The following GPC6 variants were observed in gnomAD, a reference collection of about 807,000 sequenced individuals.
The protein encoded by GPC6 is glypican-6.
Under a neutral mutation model 55.2 loss-of-function variants are expected in GPC6, and 14 were observed. That is an observed-to-expected ratio of 0.25 (90% confidence interval 0.17 to 0.40). The LOEUF is 0.40. GPC6 is among the 10% of genes least tolerant of loss of function. The pLI is 1.00. For missense variants in GPC6, 641 were observed against 708.5 expected (o/e 0.90, Z 1.08); for synonymous variants, 278 against 259.6 (o/e 1.07, Z -0.68).
At chr13:93,361,733 A>G (rs766080876) in intron 1 of GPC6, among the ~76,000 whole-genome samples, 1 of 152,210 alleles carries the variant, frequency 6.6e-6, no homozygotes, top group Non-Finnish European at 1.5e-5. Flanking sequence ...TGCAAATGCT[A>G]ACAGACAGAG....
intron 2 of GPC6, among the ~76,000 whole-genome samples, chr13:93,685,621 G>T (rs1255642880): frequency 6.6e-6 from 1 of 151,982 alleles, no homozygotes; most frequent in Non-Finnish European, 1.5e-5. Context: ...AATGTGGGTG[G>T]TCTTATGCCA....
chr13:93,616,264 T>C (rs1336131915), intron 2 of GPC6, among the ~76,000 whole-genome samples: 1 of 152,064 alleles, frequency 6.6e-6, no homozygotes, highest in East Asian at 1.9e-4. Flanking sequence ...AGAATATAAA[T>C]AGGAAGACTA....
chr13:93,922,217 C>T (rs1594590246), intron 3 of GPC6, among the ~76,000 whole-genome samples: 1 of 152,054 alleles, frequency 6.6e-6, no homozygotes, highest in East Asian at 1.9e-4. Flanking sequence ...ACAAATGCCT[C>T]CTTGATTCTA....
intron 3 of GPC6, among the ~76,000 whole-genome samples, chr13:93,927,184 A>G (rs1877905502): frequency 6.6e-6 from 1 of 152,212 alleles, no homozygotes; most frequent in Admixed American, 6.5e-5. Flanking sequence ...GTCATACAAT[A>G]TCTTAGCCTG....
chr13:93,838,220 A>G (rs1270751699), intron 3 of GPC6, among the ~76,000 whole-genome samples: 2 of 152,182 alleles, frequency 1.3e-5, no homozygotes, highest in Admixed American at 1.3e-4. Flanking sequence ...ACGAAGAGAG[A>G]CATTATGAAA....
intron 2 of GPC6, among the ~76,000 whole-genome samples, chr13:93,789,620 T>TATAATACTAC (rs1566536849): frequency 4.0e-5 from 4 of 100,736 alleles, no homozygotes; most frequent in Admixed American, 1.2e-4. Context: ...TATATATATA[T>TATAATACTAC]ATATATATAT....
chr13:93,525,067 G>C (rs1213276995), intron 1 of GPC6, among the ~76,000 whole-genome samples: 1 of 151,960 alleles, frequency 6.6e-6, no homozygotes, highest in African/African-American at 2.4e-5. Flanking sequence ...ATTTGTTTAG[G>C]GATGAATCCC....
At chr13:94,303,041 C>G (rs985662688) in intron 5 of GPC6, among the ~76,000 whole-genome samples, 1 of 152,184 alleles carries the variant, frequency 6.6e-6, no homozygotes, top group Non-Finnish European at 1.5e-5. Context: ...CCGCGGGATC[C>G]GGAGGGGTGG....
intron 4 of GPC6, among the ~76,000 whole-genome samples, chr13:94,173,651 C>T (rs1434410113): frequency 6.6e-6 from 1 of 152,154 alleles, no homozygotes; most frequent in Non-Finnish European, 1.5e-5. Flanking sequence ...CAAGCTAGCA[C>T]ACCTCAAGGT....
intron 1 of GPC6, among the ~76,000 whole-genome samples, chr13:93,512,536 C>A (rs773992298): frequency 2.6e-4 from 40 of 151,916 alleles, no homozygotes; most frequent in Non-Finnish European, 4.9e-4. Context: ...GTATCATCTT[C>A]TTGATTTGCT....
chr13:93,953,306 G>T (rs1879352565), intron 3 of GPC6, among the ~76,000 whole-genome samples: 1 of 151,834 alleles, frequency 6.6e-6, no homozygotes, highest in Non-Finnish European at 1.5e-5. Context: ...TTCCCCTTTT[G>T]ACTCTTCATA....
At chr13:93,241,718 G>A (rs983058529) in intron 1 of GPC6, among the ~76,000 whole-genome samples, 20 of 152,198 alleles carry the variant, frequency 1.3e-4, no homozygotes, top group Admixed American at 1.2e-3. Context: ...TCTTTTGAGG[G>A]CATTGCAAAA....
chr13:94,357,249 A>G (rs1878844020), intron 6 of GPC6, among the ~76,000 whole-genome samples: 2 of 152,146 alleles, frequency 1.3e-5, no homozygotes, highest in Non-Finnish European at 2.9e-5. Flanking sequence ...CACCAAACTA[A>G]CTACTTTCCA....
chr13:93,571,387 A>G (rs2139474824), intron 2 of GPC6, among the ~76,000 whole-genome samples: 1 of 152,280 alleles, frequency 6.6e-6, no homozygotes, highest in East Asian at 1.9e-4. Context: ...ATGGAGGGAA[A>G]TCTTGTTTTA....
chr13:94,265,741 T>C (rs547190819), intron 4 of GPC6, among the ~76,000 whole-genome samples: 2 of 152,300 alleles, frequency 1.3e-5, no homozygotes, highest in South Asian at 4.2e-4. Flanking sequence ...CAAAATAGTA[T>C]GGGGCCAAAT....
At chr13:94,124,612 C>T (rs1886744634) in intron 4 of GPC6, among the ~76,000 whole-genome samples, 1 of 151,948 alleles carries the variant, frequency 6.6e-6, no homozygotes. Flanking sequence ...AAGGGGGAAA[C>T]GGGTCAAGAG....
intron 4 of GPC6, among the ~76,000 whole-genome samples, chr13:94,266,676 G>A (rs1891829720): frequency 6.6e-6 from 1 of 152,204 alleles, no homozygotes; most frequent in Middle Eastern, 3.4e-3. Context: ...AGATTTCATT[G>A]CACTTGGTAC....
At chr13:94,048,204 G>C (rs188491252) in intron 4 of GPC6, among the ~76,000 whole-genome samples, 113 of 152,124 alleles carry the variant, frequency 7.4e-4, no homozygotes, top group African/African-American at 2.7e-3. Flanking sequence ...TCAGGCATAA[G>C]AATACATGAA....
chr13:93,543,302 T>C (rs982266082), intron 1 of GPC6, among the ~76,000 whole-genome samples: 3 of 152,172 alleles, frequency 2.0e-5, no homozygotes, highest in African/African-American at 4.8e-5. Context: ...TTGTCTTTGG[T>C]TCTGTTTATA....
Sources: gnomAD v4.1 joint callset for allele counts (sites outside exome capture counted in the v4.1 genomes callset) on GRCh38, gnomAD v4.1.1 for gene constraint, MANE v1.5 for transcripts, NCBI Gene and HGNC (gene_info 2026-07-23, HGNC 2026-07-21) for gene names.